SWT1: variants seen among roughly 807,000 people sequenced by gnomAD.
SWT1 encodes the protein SWT1 RNA endoribonuclease homolog, also known as transcriptional protein SWT1.
A neutral mutation model predicts 107.3 loss-of-function variants in SWT1; 33 were observed. That is an observed-to-expected ratio of 0.31 (90% confidence interval 0.23 to 0.41). SWT1 has a LOEUF of 0.41. SWT1 is among the 10% of genes least tolerant of loss of function. The probability of loss-of-function intolerance (pLI) is 1.00; values close to 1 mark genes in which losing one functional copy is unlikely to be tolerated. For synonymous variants in SWT1, 345 were observed against 348.3 expected (o/e 0.99, Z 0.11); for missense variants, 898 against 1,028.9 (o/e 0.87, Z 1.74).
intron 17 of SWT1, among the ~76,000 whole-genome samples, chr1:185,272,921 ATCTC>A (rs1284494039): frequency 2.0e-5 from 3 of 151,944 alleles, no homozygotes; most frequent in African/African-American, 7.3e-5. Context: ...CTGTGGTCCC[ATCTC>A]CTTGGGAGGC....
intron 16 of SWT1, among the ~76,000 whole-genome samples, chr1:185,255,805 G>T (rs1379770896): frequency 6.6e-6 from 1 of 151,566 alleles, no homozygotes; most frequent in Non-Finnish European, 1.5e-5. Flanking sequence ...TGTTATGTGT[G>T]AATTTGACCC....
intron 5 of SWT1, among the ~76,000 whole-genome samples, chr1:185,175,504 A>G (rs1398626208): frequency 1.3e-5 from 2 of 152,202 alleles, no homozygotes; most frequent in African/African-American, 4.8e-5. Context: ...CAGGGATTAC[A>G]GACGTGAGCC....
At position 185,281,222 on chromosome 1, in the gene SWT1, T is replaced by G. The variant is rs113438179; in HGVS notation, c.2573+4554T>G. On this transcript the variant is annotated intron_variant, in intron 18 of 18. Coordinates refer to ENST00000367500, the MANE Select transcript of SWT1 (RefSeq NM_017673.7). ...TGAAATGATGCTGCCCTAACTCTTG[T>G]TTTGGTCATTATTGATGTGAAACCC... 6.3e-3 allele frequency: 1,406 copies of G among 224,324 alleles called. 16 individuals carry two copies. Among genetic ancestry groups the G allele is most frequent in the African/African-American group, 0.028 (1,232 of 43,424 alleles). The allele number at this position is 224,324 out of a possible 1,614,324, so 13.9% of individuals were successfully genotyped here.
chr1:185,177,123 G>C, intron 5 of SWT1: 1 of 803,750 alleles, frequency 1.2e-6, no homozygotes, highest in Non-Finnish European at 1.5e-6. Flanking sequence ...GCCCAAAGAG[G>C]GCAAGAATTG....
At chr1:185,206,160 T>C (rs113417883) in intron 12 of SWT1, among the ~76,000 whole-genome samples, 35 of 152,304 alleles carry the variant, frequency 2.3e-4, no homozygotes, top group African/African-American at 8.2e-4. Flanking sequence ...GGTTTCACCA[T>C]GTTGGCCAGG....
chr1:185,167,767 C>T (rs1654708106), intron 3 of SWT1, among the ~76,000 whole-genome samples: 1 of 152,184 alleles, frequency 6.6e-6, no homozygotes, highest in Admixed American at 6.5e-5. Context: ...CAGTTATCCT[C>T]AGTTTCTCAG....
At chr1:185,157,648 C>G (rs1387926562) in intron 1 of SWT1, 1 of 152,304 alleles carries the variant, frequency 6.6e-6, no homozygotes, top group Non-Finnish European at 1.5e-5. Flanking sequence ...ATTTCGCACC[C>G]TCACCTACAC....
chr1:185,209,229 T>C (rs1658574091), intron 13 of SWT1, among the ~76,000 whole-genome samples: 1 of 152,090 alleles, frequency 6.6e-6, no homozygotes. Context: ...CTTATTTATT[T>C]ATTTATTTAT....
chr1:185,287,787 CA>C (rs1665031372), intron 18 of SWT1, among the ~76,000 whole-genome samples: 1 of 152,168 alleles, frequency 6.6e-6, no homozygotes, highest in Admixed American at 6.5e-5. Flanking sequence ...CTATGAAAAA[CA>C]GCCAATACTT....
chr1:185,206,850 G>C, intron 13 of SWT1, 87 bp downstream of exon 13: 2 of 990,808 alleles, frequency 2.0e-6, no homozygotes, highest in Non-Finnish European at 2.8e-6. Flanking sequence ...ATAAATTAAT[G>C]AAGAATTTGT....
intron 18 of SWT1, among the ~76,000 whole-genome samples, chr1:185,280,097 G>A (rs764997961): frequency 3.3e-5 from 5 of 152,104 alleles, no homozygotes; most frequent in Non-Finnish European, 5.9e-5. Context: ...GAGAGACCAG[G>A]TGAAGGTAAT....
chr1:185,285,443 A>C lies in SWT1; in HGVS notation c.2574-5231A>C, dbSNP rs183114378. On this transcript the variant is annotated intron_variant, in intron 18 of 18. Transcript: ENST00000367500. ...CAACATGTTATATATTCTGGATATT[A>C]GACCCTTATCAGATACATAATTTGC... Among the ~76,000 whole-genome samples the C allele has an allele frequency of 1.1e-4, 17 of 152,318 alleles. No homozygotes were observed. The East Asian group carries it at 2.9e-3, about 26-fold the overall frequency.
chr1:185,164,668 C>T (rs554512427), intron 2 of SWT1, among the ~76,000 whole-genome samples: 2 of 152,170 alleles, frequency 1.3e-5, no homozygotes, highest in African/African-American at 2.4e-5. Context: ...TCCAAGTTTT[C>T]TTCTGAAGCT....
At chr1:185,269,373 G>T (rs200480577) in intron 16 of SWT1, among the ~76,000 whole-genome samples, 5,224 of 124,478 alleles carry the variant, frequency 0.042, 223 homozygotes, top group African/African-American at 0.1. Context: ...AGAGGTTTTT[G>T]TTTTTTTTTT....
In SWT1 at chr1:185,214,391, A is replaced by G. The variant is rs1659057825; in HGVS notation, c.1973-116A>G. On this transcript the variant is annotated intron_variant, in intron 13 of 18. Coordinates refer to ENST00000367500, the MANE Select transcript of SWT1 (RefSeq NM_017673.7). ...CAGAGGGATAACTTAGGAGTGGCAT[A>G]TAGGTATAAATGTATACTCTTTTTA... The G allele has an allele frequency of 6.1e-6, 4 of 654,432 alleles. No homozygotes were observed. In the Admixed American group the frequency reaches 1.3e-4, roughly 22 times the overall value. The allele number at this position is 654,432 out of a possible 1,614,324, so 40.5% of individuals were successfully genotyped here.
At position 185,204,895 on chromosome 1, in the gene SWT1, T is replaced by C. The variant is rs568400110; in HGVS notation, c.1833+32T>C. ...AGTTGAACTCTATTAGTTGAAAATT[T>C]CTTTTTTATTGCTGAAGATTTGTTA... is the stretch of plus-strand genomic sequence containing the variant. On this transcript the variant is annotated intron_variant, in intron 12 of 18. Coordinates refer to ENST00000367500, the MANE Select transcript of SWT1 (RefSeq NM_017673.7). 2.9e-6 allele frequency: 4 copies of C among 1,370,664 alleles called. No homozygotes were observed. In the Admixed American group the frequency reaches 8.1e-5, roughly 28 times the overall value. The allele number at this position is 1,370,664 out of a possible 1,614,324, so 84.9% of individuals were successfully genotyped here. A position where few individuals can be genotyped will look rare whatever the true frequency, so the allele number is the denominator to read the frequency against.
At position 185,290,657 on chromosome 1, in the gene SWT1, ATT is replaced by A. The variant is rs762014407; in HGVS notation, c.2574-15_2574-14del. 3.2e-6 allele frequency: 5 copies of A among 1,556,230 alleles called. No homozygotes were observed. The Admixed American group carries it at 9.3e-5, about 29-fold the overall frequency. ...ACTAGCTGTCTTGCAATGATTTAAT[ATT>A]TCTTTTTCTCCTAGGGAAAAGTTAA... On this transcript the variant is annotated splice_polypyrimidine_tract_variant and intron_variant, in intron 18 of 18. Coordinates refer to ENST00000367500, the MANE Select transcript of SWT1 (RefSeq NM_017673.7).
intron 6 of SWT1, among the ~76,000 whole-genome samples, chr1:185,181,355 A>G (rs917456108): frequency 4.6e-5 from 7 of 152,194 alleles, no homozygotes; most frequent in Non-Finnish European, 1.0e-4. Context: ...GTGCTCCTTG[A>G]TAGAAGAAAG....
chr1:185,172,877 C>T (rs1284096789), intron 4 of SWT1, among the ~76,000 whole-genome samples: 1 of 151,920 alleles, frequency 6.6e-6, no homozygotes, highest in African/African-American at 2.4e-5. Flanking sequence ...AACCCCGTCT[C>T]TACTAAAATA....
Sources: allele counts gnomAD v4.1 joint callset (sites outside exome capture counted in the v4.1 genomes callset), GRCh38; gene constraint gnomAD v4.1.1; transcripts MANE v1.5; gene names NCBI Gene and HGNC (gene_info 2026-07-23, HGNC 2026-07-21).